The following DLG2 variants were observed in gnomAD, a reference collection of about 807,000 sequenced individuals.
The protein encoded by DLG2 is discs large MAGUK scaffold protein 2.
DLG2 carries 45 observed loss-of-function variants against 132.5 expected under a neutral mutation model. That is an observed-to-expected ratio of 0.34 (90% CI 0.27 to 0.44). The LOEUF (loss-of-function observed/expected upper bound fraction) is 0.44, where lower values mean the gene tolerates loss of function less well. Ranked by LOEUF, DLG2 falls within the 20% of genes least tolerant of loss-of-function variation. The probability of loss-of-function intolerance (pLI) is 1.00; values close to 1 mark genes in which losing one functional copy is unlikely to be tolerated. For missense variants in DLG2, 1,045 were observed against 1,196.9 expected (o/e 0.87, Z 1.87); for synonymous variants, 424 against 419.6 (o/e 1.01, Z -0.13).
intron 2 of DLG2, among the ~76,000 whole-genome samples, chr11:85,612,526 G>A (rs2081077355): frequency 6.6e-6 from 1 of 152,204 alleles, no homozygotes; most frequent in Non-Finnish European, 1.5e-5. Context: ...ACAGAATCAG[G>A]AAGGAGCCAT....
At chr11:84,977,812 T>C (rs1454535085) in intron 6 of DLG2, among the ~76,000 whole-genome samples, 2 of 152,132 alleles carry the variant, frequency 1.3e-5, no homozygotes, top group Admixed American at 6.6e-5. Context: ...ATTTTGTACC[T>C]GGGGGGTGCC....
In DLG2 at chr11:83,457,740, T is replaced by C. The variant is rs554231005; in HGVS notation, c.*2078A>G. On this transcript the variant is annotated 3_prime_UTR_variant, in exon 28 of 28. Coordinates refer to ENST00000376104, the MANE Select transcript of DLG2 (RefSeq NM_001142699.3). ...TGTCAGAAAACTTCTGGGAGCAATA[T>C]TGATGAAAGTAGGCCTTGACCTGAA... is the stretch of plus-strand genomic sequence containing the variant. The C allele has an allele frequency of 2.7e-4, 41 of 152,608 alleles. No homozygotes were observed. Among genetic ancestry groups the C allele is most frequent in the African/African-American group, 9.1e-4 (38 of 41,574 alleles). The allele number at this position is 152,608 out of a possible 1,614,324, so 9.5% of individuals were successfully genotyped here. A position where few individuals can be genotyped will look rare whatever the true frequency, so the allele number is the denominator to read the frequency against.
chr11:85,078,501 G>C (rs963580962), intron 6 of DLG2, among the ~76,000 whole-genome samples: 3 of 151,962 alleles, frequency 2.0e-5, no homozygotes, highest in Admixed American at 2.0e-4. Flanking sequence ...ACATATAGAA[G>C]GGGTACATCT....
At chr11:83,897,117 C>T (rs758607262) in intron 15 of DLG2, among the ~76,000 whole-genome samples, 4 of 152,116 alleles carry the variant, frequency 2.6e-5, no homozygotes, top group South Asian at 2.1e-4. Flanking sequence ...TGTTTAGTCA[C>T]GCTTTCCTCT....
At chr11:83,536,634 T>A (rs1450288779) in intron 20 of DLG2, among the ~76,000 whole-genome samples, 1 of 151,994 alleles carries the variant, frequency 6.6e-6, no homozygotes, top group Non-Finnish European at 1.5e-5. Context: ...TATTGGAATG[T>A]ACACTAAGTT....
intron 6 of DLG2, among the ~76,000 whole-genome samples, chr11:84,877,156 A>G (rs2086481990): frequency 6.6e-6 from 1 of 152,108 alleles, no homozygotes; most frequent in African/African-American, 2.4e-5. Flanking sequence ...AAGAATGTAT[A>G]TTCTGTTGAT....
At chr11:83,824,273 GATGGTCTCTTCTTTACGCCC>G (rs1379608411) in intron 17 of DLG2, among the ~76,000 whole-genome samples, 1 of 152,128 alleles carries the variant, frequency 6.6e-6, no homozygotes, top group South Asian at 2.1e-4. Flanking sequence ...CTGAGCTAAG[GATGGTCTCTTCTTTACGCCC>G]ATGTGGTCCC....
rs2062285410 is a variant in DLG2 at position 85,045,813 on chromosome 11, T to C, written c.357+65848A>G. 2.0e-5 allele frequency among the ~76,000 whole-genome samples: 3 copies of C among 152,082 alleles called. 1 individual carries two copies. The South Asian group carries it at 6.2e-4, about 31-fold the overall frequency. On this transcript the variant is annotated intron_variant, in intron 6 of 27. Transcript: ENST00000376104. ...GAAATATGATGACTCTTTTCAACTA[T>C]TCTAGAAGGCAAGGCATTTTGGAAG...
intron 7 of DLG2, among the ~76,000 whole-genome samples, chr11:84,525,297 TA>T (rs1314824614): frequency 6.6e-6 from 1 of 152,164 alleles, no homozygotes; most frequent in Non-Finnish European, 1.5e-5. Flanking sequence ...TACTCCAACA[TA>T]AACTCAGAAA....
intron 6 of DLG2, among the ~76,000 whole-genome samples, chr11:84,655,765 G>C (rs1303528360): frequency 6.9e-6 from 1 of 144,682 alleles, no homozygotes; most frequent in Non-Finnish European, 1.5e-5. Context: ...TGGAGTGGTT[G>C]TGAGAATTAA....
intron 4 of DLG2, among the ~76,000 whole-genome samples, chr11:85,247,438 C>A (rs1214515159): frequency 6.6e-6 from 1 of 151,894 alleles, no homozygotes; most frequent in African/African-American, 2.4e-5. Context: ...TCCTTCCTGG[C>A]CATTCTATCC....
intron 6 of DLG2, among the ~76,000 whole-genome samples, chr11:84,913,983 C>G (rs914478363): frequency 5.3e-5 from 8 of 152,168 alleles, no homozygotes; most frequent in African/African-American, 1.9e-4. Context: ...TCCAGGCTCA[C>G]TGTAAACTCC....
chr11:85,504,380 A>G (rs1598038116), intron 3 of DLG2, among the ~76,000 whole-genome samples: 1 of 152,098 alleles, frequency 6.6e-6, no homozygotes, highest in East Asian at 1.9e-4. Flanking sequence ...ATCTTGAATT[A>G]ATTTTTGTAT....
At chr11:85,476,971 T>C (rs1417248192) in intron 3 of DLG2, among the ~76,000 whole-genome samples, 4 of 152,168 alleles carry the variant, frequency 2.6e-5, no homozygotes, top group Non-Finnish European at 5.9e-5. Flanking sequence ...TTATGTGCTA[T>C]ACTTTTAAAT....
chr11:85,558,115 C>A (rs1038163889), intron 3 of DLG2, among the ~76,000 whole-genome samples: 8 of 151,768 alleles, frequency 5.3e-5, no homozygotes, highest in South Asian at 2.1e-4. Flanking sequence ...GAACAAAAAA[C>A]CAATAATCCC....
intron 21 of DLG2, among the ~76,000 whole-genome samples, chr11:83,491,078 T>TA (rs1418576849): frequency 1.3e-5 from 2 of 151,482 alleles, no homozygotes; most frequent in African/African-American, 4.8e-5. Context: ...TGCAATGCCT[T>TA]AAAAATACTT....
At chr11:85,164,664 G>T (rs552180711) in intron 4 of DLG2, among the ~76,000 whole-genome samples, 2 of 152,198 alleles carry the variant, frequency 1.3e-5, no homozygotes, top group African/African-American at 4.8e-5. Flanking sequence ...AGTAGTAATA[G>T]CAACAATAAA....
chr11:84,900,797 T>C (rs1207263920), intron 6 of DLG2, among the ~76,000 whole-genome samples: 1 of 152,014 alleles, frequency 6.6e-6, no homozygotes, highest in Admixed American at 6.6e-5. Flanking sequence ...TTCCTTTTTC[T>C]ATTTACCAAG....
At chr11:85,019,046 C>T (rs920863416) in intron 6 of DLG2, among the ~76,000 whole-genome samples, 5 of 152,138 alleles carry the variant, frequency 3.3e-5, no homozygotes, top group Admixed American at 1.3e-4. Context: ...ATACTTGTAA[C>T]TCAAAGCTGC....
Sources: gnomAD v4.1 joint callset for allele counts (sites outside exome capture counted in the v4.1 genomes callset) on GRCh38, gnomAD v4.1.1 for gene constraint, MANE v1.5 for transcripts, NCBI Gene and HGNC (gene_info 2026-07-23, HGNC 2026-07-21) for gene names.